Variants in PSPC1 observed in about 807,000 individuals in gnomAD.
PSPC1 encodes the protein paraspeckle protein 1.
In PSPC1, 14 loss-of-function variants were observed where a neutral mutation model predicts 51.6. The ratio of observed to expected loss-of-function variants is 0.27; its 90% CI spans 0.18 to 0.42. The LOEUF (loss-of-function observed/expected upper bound fraction) is 0.42, where lower values mean the gene tolerates loss of function less well. Among genes scored for constraint, PSPC1 ranks in the 10% least tolerant of loss-of-function variants. The pLI is 1.00. For synonymous variants in PSPC1, 193 were observed against 231.9 expected (o/e 0.83, Z 1.53); for missense variants, 406 against 701.1 (o/e 0.58, Z 4.75).
At chr13:19,694,710 TC>T (rs1474780165) in intron 6 of PSPC1, among the ~76,000 whole-genome samples, 1 of 152,194 alleles carries the variant, frequency 6.6e-6, no homozygotes, top group Non-Finnish European at 1.5e-5. Flanking sequence ...ATCTCACTAG[TC>T]CCATTCCAAG....
chr13:19,676,849 T>C (rs955239407), intron 7 of PSPC1, among the ~76,000 whole-genome samples: 2 of 152,178 alleles, frequency 1.3e-5, no homozygotes, highest in African/African-American at 2.4e-5. Flanking sequence ...CAATAATATT[T>C]TAAGAGTGAC....
intron 4 of PSPC1, among the ~76,000 whole-genome samples, chr13:19,751,016 G>A (rs761576884): frequency 6.6e-6 from 1 of 151,918 alleles, no homozygotes; most frequent in Non-Finnish European, 1.5e-5. Context: ...TGATCCATCT[G>A]CCTTGGCCCC....
chr13:19,713,269 T>C (rs1270993090), intron 6 of PSPC1, among the ~76,000 whole-genome samples: 1 of 152,154 alleles, frequency 6.6e-6, no homozygotes, highest in African/African-American at 2.4e-5. Context: ...GTAACCAACA[T>C]CTCAAAAGAC....
intron 6 of PSPC1, among the ~76,000 whole-genome samples, chr13:19,714,871 G>A (rs891610982): frequency 1.8e-4 from 28 of 152,040 alleles, no homozygotes; most frequent in African/African-American, 6.5e-4. Context: ...ATCTTTAAAG[G>A]TTATTAACAT....
At chr13:19,717,330 C>CT (rs1448314859) in intron 6 of PSPC1, among the ~76,000 whole-genome samples, 1 of 151,952 alleles carries the variant, frequency 6.6e-6, no homozygotes, top group African/African-American at 2.4e-5. Context: ...CTATGGGAGG[C>CT]TGAGGCAGGC....
At chr13:19,768,221 TC>T (rs1209246648) in intron 2 of PSPC1, among the ~76,000 whole-genome samples, 2 of 146,632 alleles carry the variant, frequency 1.4e-5, no homozygotes, top group Non-Finnish European at 3.0e-5. Flanking sequence ...CAAGACCGTG[TC>T]CCCCCCCAAA....
At chr13:19,695,903 A>AT (rs1432701074) in intron 6 of PSPC1, among the ~76,000 whole-genome samples, 1 of 151,518 alleles carries the variant, frequency 6.6e-6, no homozygotes, top group African/African-American at 2.4e-5. Flanking sequence ...TTTAGAAGAG[A>AT]TAAAAAAAAA....
In PSPC1 at chr13:19,703,154, T is replaced by G. The variant is rs533508645; in HGVS notation, c.*21A>C. On this transcript the variant is annotated 3_prime_UTR_variant, in exon 9 of 9. Transcript: ENST00000338910. ...TACCACTGACTTTTTTTTTTCTAGATAGCCAGGAATGAACGAATGTTTAAT... is the reference window on the plus strand; with the variant it reads ...TACCACTGACTTTTTTTTTTCTAGAGAGCCAGGAATGAACGAATGTTTAAT... 18 of 1,607,030 alleles carry G rather than the reference T, an allele frequency of 1.1e-5. No individual in the cohort carries two copies. Among genetic ancestry groups the G allele is most frequent in the Non-Finnish European group, 1.5e-5 (18 of 1,176,030 alleles).
At chr13:19,711,758 C>T (rs1055400507) in intron 6 of PSPC1, among the ~76,000 whole-genome samples, 3 of 150,106 alleles carry the variant, frequency 2.0e-5, no homozygotes, top group South Asian at 4.2e-4. Flanking sequence ...GTAGGAGAAT[C>T]GCTTGAACCC....
intron 6 of PSPC1, among the ~76,000 whole-genome samples, chr13:19,727,243 A>C (rs1205634839): frequency 6.6e-6 from 1 of 152,036 alleles, no homozygotes; most frequent in Non-Finnish European, 1.5e-5. Flanking sequence ...AAAATACAAA[A>C]ATTAGCTGGG....
intron 2 of PSPC1, among the ~76,000 whole-genome samples, chr13:19,764,924 G>A (rs1305998896): frequency 1.3e-5 from 2 of 151,564 alleles, no homozygotes; most frequent in African/African-American, 4.8e-5. Context: ...CTTTTGTAGA[G>A]ATAGGGTTTT....
At chr13:19,778,946 C>T (rs1250284047) in intron 1 of PSPC1, among the ~76,000 whole-genome samples, 1 of 138,488 alleles carries the variant, frequency 7.2e-6, no homozygotes, top group Non-Finnish European at 1.6e-5. Context: ...TCCCAGCCGC[C>T]ATCACATTTA....
intron 2 of PSPC1, among the ~76,000 whole-genome samples, chr13:19,761,691 G>C (rs981249612): frequency 4.6e-5 from 7 of 152,130 alleles, no homozygotes; most frequent in African/African-American, 1.4e-4. Flanking sequence ...AACTGAATAG[G>C]AACCCAAAGG....
chr13:19,752,598 A>ATTTT lies in PSPC1; in HGVS notation c.771-1135_771-1132dup, dbSNP rs1400277318. On this transcript the variant is annotated intron_variant, in intron 3 of 8. Transcript: ENST00000338910. Reference sequence around the variant, plus strand: ...CACTTTTTTATTTATTTATTTATTTATTTTTGAGACACAGTCTCACAGTAT... The same window carrying ATTTT: ...CACTTTTTTATTTATTTATTTATTTATTTTTTTTTGAGACACAGTCTCACAGTAT... Among the ~76,000 whole-genome samples, 17 of 151,396 alleles carry ATTTT rather than the reference A, an allele frequency of 1.1e-4. No individual in the cohort carries two copies. The East Asian group carries it at 3.3e-3, about 29-fold the overall frequency.
At chr13:19,748,877 T>C (rs1413586922) in intron 4 of PSPC1, among the ~76,000 whole-genome samples, 2 of 151,636 alleles carry the variant, frequency 1.3e-5, no homozygotes, top group Non-Finnish European at 2.9e-5. Context: ...ATGATTCTAA[T>C]GGGTAATAAA....
At chr13:19,759,298 A>G (rs1353142981) in intron 3 of PSPC1, 25 bp downstream of exon 3, 1 of 1,552,400 alleles carries the variant, frequency 6.4e-7, no homozygotes, top group Admixed American at 1.7e-5. Flanking sequence ...GTACAGACAC[A>G]AATTATCTAT....
At position 19,730,252 on chromosome 13, in the gene PSPC1, T is replaced by C. The variant is rs747193240; in HGVS notation, c.1145A>G (p.Asn382Ser). The change falls in exon 6 of 9, where the codon AAC (asparagine) becomes AGC (serine). Residue 382 changes from asparagine (N) to serine (S), a missense_variant. Physicochemically the swap from Asn to Ser is conservative, Grantham distance 46. Transcript: ENST00000338910. ...TAGTTTACTTACATTTTCCATGTAG[T>C]TTGGCTTAAAGCCCTCTTGCTGTCG... is the stretch of plus-strand genomic sequence containing the variant. Reference protein sequence around the residue: ...LRRQQEGFKPNYMENREQEMR... With the variant: ...LRRQQEGFKPSYMENREQEMR... 6.2e-7 allele frequency: 1 copy of C among 1,613,824 alleles called. No individual in the cohort carries two copies. Among genetic ancestry groups the C allele is most frequent in the Non-Finnish European group, 8.5e-7 (1 of 1,179,802 alleles).
chr13:19,695,226 T>C (rs986478652), intron 6 of PSPC1, among the ~76,000 whole-genome samples: 1 of 152,234 alleles, frequency 6.6e-6, no homozygotes, highest in African/African-American at 2.4e-5. Context: ...CTAGGGAATA[T>C]TTCATCCATT....
downstream of PSPC1, chr13:19,673,415 G>T: frequency 4.2e-6 from 1 of 237,900 alleles, no homozygotes; most frequent in Non-Finnish European, 8.4e-6. Context: ...TTTTCCTATG[G>T]TTTTGTCAAT....
Sources: gnomAD v4.1 joint callset for allele counts (sites outside exome capture counted in the v4.1 genomes callset) on GRCh38, gnomAD v4.1.1 for gene constraint, MANE v1.5 for transcripts, NCBI Gene and HGNC (gene_info 2026-07-23, HGNC 2026-07-21) for gene names.